The following SLC35F3 variants were observed in gnomAD, a reference collection of about 807,000 sequenced individuals.
SLC35F3 encodes solute carrier family 35 member F3.
Under a neutral mutation model 49.9 loss-of-function variants are expected in SLC35F3, and 25 were observed. The ratio of observed to expected loss-of-function variants is 0.50; its 90% confidence interval spans 0.37 to 0.70. The LOEUF (loss-of-function observed/expected upper bound fraction) is 0.70. Ranked by LOEUF, SLC35F3 falls within the 30% of genes least tolerant of loss-of-function variation. The pLI is 0.00. For missense variants in SLC35F3, 525 were observed against 639.8 expected, an observed-to-expected ratio of 0.82 and a Z score of 1.94; for synonymous variants, 275 against 265.4, an observed-to-expected ratio of 1.04 and a Z score of -0.35.
chr1:234,214,447 C>T lies in SLC35F3; in HGVS notation c.284-16970C>T. Reference sequence around the variant, plus strand: ...CCCGGGAGAGACGCGCTCCAGCCGGCCCCAGGATGTAGGCGATCGGCGGCA... The same window carrying T: ...CCCGGGAGAGACGCGCTCCAGCCGGTCCCAGGATGTAGGCGATCGGCGGCA... On this transcript the variant is annotated intron_variant, in intron 2 of 7. Coordinates refer to ENST00000366618, the MANE Select transcript of SLC35F3 (RefSeq NM_173508.4). This position sits in a 1 kb window ranked among gnomAD's most constrained non-coding sequence, Gnocchi z 8.0. 2 of 1,500,722 alleles carry T rather than the reference C, an allele frequency of 1.3e-6. No homozygotes were observed. Among genetic ancestry groups the T allele is most frequent in the Non-Finnish European group, 1.8e-6 (2 of 1,124,002 alleles). The allele number at this position is 1,500,722 out of a possible 1,614,324, so 93.0% of individuals were successfully genotyped here.
intron 3 of SLC35F3, among the ~76,000 whole-genome samples, chr1:234,268,126 C>T (rs1379527943): frequency 6.6e-6 from 1 of 152,066 alleles, no homozygotes. Context: ...GAGGTTGTAG[C>T]GAGCCGAGAT....
intron 2 of SLC35F3, among the ~76,000 whole-genome samples, chr1:234,103,238 G>T (rs549970741): frequency 6.6e-6 from 1 of 152,172 alleles, no homozygotes; most frequent in Non-Finnish European, 1.5e-5. Flanking sequence ...TTCCTTGATT[G>T]GTACCCACCC....
At chr1:234,108,503 A>G (rs1572054929) in intron 2 of SLC35F3, among the ~76,000 whole-genome samples, 2 of 114,622 alleles carry the variant, frequency 1.7e-5, no homozygotes, top group South Asian at 5.2e-4. Context: ...TATTATTTAT[A>G]TATATAAATG....
intron 2 of SLC35F3, among the ~76,000 whole-genome samples, chr1:233,930,614 G>A (rs970684350): frequency 6.6e-6 from 1 of 152,144 alleles, no homozygotes; most frequent in African/African-American, 2.4e-5. Context: ...TACATGTGAT[G>A]TTTGACTTCC....
intron 3 of SLC35F3, among the ~76,000 whole-genome samples, chr1:234,287,842 A>G (rs1031715217): frequency 6.6e-6 from 1 of 152,164 alleles, no homozygotes; most frequent in Non-Finnish European, 1.5e-5. Context: ...CTTCATTTGC[A>G]TTTACTTTGG....
chr1:234,184,162 A>C (rs1465884686), intron 2 of SLC35F3, among the ~76,000 whole-genome samples: 1 of 152,062 alleles, frequency 6.6e-6, no homozygotes, highest in Non-Finnish European at 1.5e-5. Flanking sequence ...AAAAAACCTA[A>C]ATGCACATGT....
At chr1:233,936,121 G>A (rs953428765) in intron 2 of SLC35F3, among the ~76,000 whole-genome samples, 1 of 152,150 alleles carries the variant, frequency 6.6e-6, no homozygotes, top group Non-Finnish European at 1.5e-5. Context: ...TTTGTTTTTG[G>A]TGCTGGTAAA....
intron 2 of SLC35F3, among the ~76,000 whole-genome samples, chr1:234,095,840 A>C (rs1665109000): frequency 6.6e-6 from 1 of 152,212 alleles, no homozygotes. Flanking sequence ...GGTGGGGATG[A>C]ATGAGTTAAT....
At chr1:234,030,590 T>C (rs570915352) in intron 2 of SLC35F3, among the ~76,000 whole-genome samples, 1 of 152,278 alleles carries the variant, frequency 6.6e-6, no homozygotes, top group Admixed American at 6.5e-5. Context: ...CATTCATCCA[T>C]TGTACGGGAT....
At chr1:234,314,339 A>G (rs1294750018) in intron 4 of SLC35F3, among the ~76,000 whole-genome samples, 1 of 152,198 alleles carries the variant, frequency 6.6e-6, no homozygotes, top group African/African-American at 2.4e-5. Context: ...TTATTTAATC[A>G]ATAGAGAACA....
At chr1:234,299,430 GA>G (rs1273396309) in intron 3 of SLC35F3, among the ~76,000 whole-genome samples, 1 of 151,806 alleles carries the variant, frequency 6.6e-6, no homozygotes, top group African/African-American at 2.4e-5. Flanking sequence ...CCTCATGCCA[GA>G]AAAAACTAAA....
At chr1:234,017,748 G>C (rs945881272) in intron 2 of SLC35F3, among the ~76,000 whole-genome samples, 13 of 147,466 alleles carry the variant, frequency 8.8e-5, no homozygotes, top group Non-Finnish European at 1.6e-4. Context: ...ACCTTGCTTA[G>C]TATTGGTGCA....
rs529571682 is a variant in SLC35F3 at position 234,004,799 on chromosome 1, GC to G, written c.283+99046del. ...TTTCTGATAAATGCACCTGTATCAT[GC>G]CCCCAGTACATGAGTCACTGTAATT... On this transcript the variant is annotated intron_variant, in intron 2 of 7. Coordinates refer to ENST00000366618, the MANE Select transcript of SLC35F3 (RefSeq NM_173508.4). 3.3e-5 allele frequency among the ~76,000 whole-genome samples: 5 copies of G among 152,178 alleles called. No individual in the cohort carries two copies. In the East Asian group the frequency reaches 9.6e-4, roughly 29 times the overall value.
chr1:234,049,607 T>C (rs1164789180), intron 2 of SLC35F3, among the ~76,000 whole-genome samples: 2 of 152,174 alleles, frequency 1.3e-5, no homozygotes, highest in Admixed American at 1.3e-4. Context: ...AATACATCCC[T>C]CAATACTAAT....
intron 2 of SLC35F3, among the ~76,000 whole-genome samples, chr1:234,223,007 A>T (rs927860776): frequency 6.6e-6 from 1 of 152,180 alleles, no homozygotes; most frequent in Non-Finnish European, 1.5e-5. Context: ...TCAAGTTCAG[A>T]TGCTTTCAGA....
chr1:234,247,879 G>GTTGGCTGGTGCATTGTTTGATGGGTCAA (rs1458175031), intron 3 of SLC35F3, among the ~76,000 whole-genome samples: 6 of 152,108 alleles, frequency 3.9e-5, no homozygotes, highest in African/African-American at 1.4e-4. Flanking sequence ...TGATGGGTCA[G>GTTGGCTGGTGCATTGTTTGATGGGTCAA]TTGGCTGGTC....
intron 2 of SLC35F3, among the ~76,000 whole-genome samples, chr1:233,996,019 C>A (rs1254926986): frequency 6.6e-6 from 1 of 152,142 alleles, no homozygotes; most frequent in Non-Finnish European, 1.5e-5. Context: ...GAATTGTCCT[C>A]AACTGTGGGC....
rs980275740 is a variant in SLC35F3, at chr1:234,318,918, T to C, written c.1122T>C (p.Leu374=). ...TTGATGACATTCCATGGGGAAACCTTTGTGGATTTTCAGTTCTTTTATTGA... is the reference window on the plus strand; with the variant it reads ...TTGATGACATTCCATGGGGAAACCTCTGTGGATTTTCAGTTCTTTTATTGA... ...SSFDDIPWGN[L]CGFSVLLLTF... The change falls in exon 6 of 8, where the codon CTT becomes CTC. Residue 374 remains leucine, a synonymous_variant. Coordinates refer to ENST00000366618, the MANE Select transcript of SLC35F3 (RefSeq NM_173508.4). The C allele has an allele frequency of 5.9e-5, 96 of 1,613,916 alleles. No individual in the cohort carries two copies. The highest frequency in any genetic ancestry group is 8.0e-5 in the Non-Finnish European group (94 of 1,179,994).
intron 3 of SLC35F3, among the ~76,000 whole-genome samples, chr1:234,249,972 C>T (rs1360369464): frequency 6.6e-6 from 1 of 152,064 alleles, no homozygotes; most frequent in Admixed American, 6.5e-5. Context: ...GTACCGGAAC[C>T]CTCCGAGGGA....
Sources: gnomAD v4.1 joint callset for allele counts (sites outside exome capture counted in the v4.1 genomes callset) on GRCh38, gnomAD v4.1.1 for gene constraint, Gnocchi (gnomAD v3.1) non-coding constraint, MANE v1.5 for transcripts, NCBI Gene and HGNC (gene_info 2026-07-23, HGNC 2026-07-21) for gene names.